The following DAAM1 variants were observed in gnomAD, a reference collection of about 807,000 sequenced individuals.
DAAM1 encodes the protein dishevelled associated activator of morphogenesis 1.
DAAM1 carries 52 observed loss-of-function variants against 130.0 expected under a neutral mutation model. The observed-to-expected ratio is 0.40, with a 90% CI of 0.32 to 0.50. DAAM1 has a LOEUF of 0.50. DAAM1 is among the 20% of genes least tolerant of loss of function. DAAM1 has a pLI of 0.61. For missense variants in DAAM1, 1,134 were observed against 1,303.8 expected (o/e 0.87, Z 2.01); for synonymous variants, 452 against 444.5 (o/e 1.02, Z -0.21).
chr14:59,272,272 A>C (rs1882742626), intron 2 of DAAM1, among the ~76,000 whole-genome samples: 1 of 152,180 alleles, frequency 6.6e-6, no homozygotes, highest in Admixed American at 6.5e-5. Flanking sequence ...AGAGAATTAA[A>C]ATATATTGGC....
At chr14:59,196,397 A>G (rs1440548173) in intron 1 of DAAM1, among the ~76,000 whole-genome samples, 2 of 152,238 alleles carry the variant, frequency 1.3e-5, no homozygotes, top group Non-Finnish European at 2.9e-5. Flanking sequence ...TTCTGTAACA[A>G]GAGGTTTAGA....
intron 1 of DAAM1, among the ~76,000 whole-genome samples, chr14:59,260,788 G>C (rs1264945702): frequency 6.6e-6 from 1 of 152,192 alleles, no homozygotes; most frequent in Admixed American, 6.5e-5. Flanking sequence ...CTGAATTTCA[G>C]CTATCAGTAG....
At chr14:59,284,842 A>G (rs901828964) in intron 2 of DAAM1, among the ~76,000 whole-genome samples, 1 of 152,146 alleles carries the variant, frequency 6.6e-6, no homozygotes, top group African/African-American at 2.4e-5. Context: ...ATTTATTGGC[A>G]TTTCAGAAAG....
At chr14:59,302,944 G>A (rs1304357756) in intron 3 of DAAM1, among the ~76,000 whole-genome samples, 2 of 152,162 alleles carry the variant, frequency 1.3e-5, no homozygotes, top group Non-Finnish European at 2.9e-5. Context: ...ATGAGCCACC[G>A]TGCCCAGCCA....
intron 16 of DAAM1, among the ~76,000 whole-genome samples, chr14:59,347,052 G>A (rs1423678488): frequency 6.6e-6 from 1 of 151,706 alleles, no homozygotes; most frequent in African/African-American, 2.4e-5. Flanking sequence ...TAACTATGAA[G>A]TACTTGCAGA....
intron 15 of DAAM1, among the ~76,000 whole-genome samples, chr14:59,334,689 G>A (rs181301113): frequency 2.5e-4 from 38 of 152,254 alleles, no homozygotes; most frequent in African/African-American, 8.7e-4. Context: ...ACAAACATAA[G>A]TGTATATGCA....
At chr14:59,230,718 C>A (rs1226168475) in intron 1 of DAAM1, among the ~76,000 whole-genome samples, 1 of 125,354 alleles carries the variant, frequency 8.0e-6, no homozygotes, top group Non-Finnish European at 1.6e-5. Flanking sequence ...CTTAATTGTG[C>A]ATTTTAAAAT....
chr14:59,331,687 G>A, intron 14 of DAAM1, 126 bp from the exon 15 acceptor site: 1 of 1,496,698 alleles, frequency 6.7e-7, no homozygotes, highest in Non-Finnish European at 8.9e-7. Context: ...CACATTGTTT[G>A]AAACCCGTCA....
chr14:59,262,653 AGTGTGTGTGTGTGT>A (rs5809025), intron 1 of DAAM1, among the ~76,000 whole-genome samples: 6,746 of 140,834 alleles, frequency 0.048, 217 homozygotes, highest in African/African-American at 0.1. Flanking sequence ...ATATTCTATT[AGTGTGTGTGTGTGT>A]GTGTGTGTGT....
chr14:59,238,769 C>T (rs915136126), intron 1 of DAAM1, among the ~76,000 whole-genome samples: 16 of 151,960 alleles, frequency 1.1e-4, no homozygotes, highest in African/African-American at 3.4e-4. Context: ...TTTTTTTTTG[C>T]GTCTCTAGAC....
intron 2 of DAAM1, among the ~76,000 whole-genome samples, chr14:59,288,183 A>G (rs1255374249): frequency 6.6e-6 from 1 of 152,338 alleles, no homozygotes; most frequent in East Asian, 1.9e-4. Flanking sequence ...AGGACATCCT[A>G]TTCAATAAAT....
chr14:59,269,291 C>G (rs1342807674), intron 2 of DAAM1, among the ~76,000 whole-genome samples: 2 of 152,202 alleles, frequency 1.3e-5, no homozygotes, highest in African/African-American at 4.8e-5. Context: ...TCACTGGAAT[C>G]ACATTCCCGG....
intron 15 of DAAM1, 144 bp downstream of exon 15, chr14:59,332,064 G>A (rs576872280): frequency 1.2e-5 from 8 of 686,208 alleles, no homozygotes; most frequent in Non-Finnish European, 2.0e-5. Flanking sequence ...CCGTGTCTCC[G>A]TCCAAGTGCC....
intron 3 of DAAM1, among the ~76,000 whole-genome samples, chr14:59,308,797 G>T (rs1884465181): frequency 6.6e-6 from 1 of 152,220 alleles, no homozygotes; most frequent in Non-Finnish European, 1.5e-5. Context: ...GTTATTGCAA[G>T]TCATCATTCA....
intron 3 of DAAM1, among the ~76,000 whole-genome samples, chr14:59,309,949 A>C (rs748042817): frequency 2.0e-5 from 3 of 152,164 alleles, no homozygotes; most frequent in Non-Finnish European, 2.9e-5. Context: ...CACATCATGG[A>C]GTTATAACCT....
chr14:59,356,850 G>C (rs540035320), intron 20 of DAAM1, among the ~76,000 whole-genome samples: 3 of 152,324 alleles, frequency 2.0e-5, no homozygotes, highest in African/African-American at 7.2e-5. Flanking sequence ...AACTATTTCT[G>C]ATCTTTCTGT....
intron 1 of DAAM1, among the ~76,000 whole-genome samples, chr14:59,208,069 C>T (rs117683633): frequency 4.9e-4 from 75 of 152,230 alleles, no homozygotes; most frequent in African/African-American, 1.5e-3. Flanking sequence ...ACATTACCTG[C>T]GCTCTTTTGC....
At chr14:59,331,081 C>T in intron 13 of DAAM1, 128 bp from the exon 14 acceptor site, 4 of 1,462,256 alleles carry the variant, frequency 2.7e-6, no homozygotes, top group East Asian at 2.4e-5. Context: ...CTTTACCGAT[C>T]CTTTAAACAT....
At chr14:59,209,209 C>T (rs1888355240) in intron 1 of DAAM1, among the ~76,000 whole-genome samples, 1 of 152,206 alleles carries the variant, frequency 6.6e-6, no homozygotes, top group Admixed American at 6.5e-5. Flanking sequence ...GTTCTCTTTA[C>T]TCCTCCCTCC....
Sources: gnomAD v4.1 joint callset for allele counts (sites outside exome capture counted in the v4.1 genomes callset) on GRCh38, gnomAD v4.1.1 for gene constraint, MANE v1.5 for transcripts, NCBI Gene and HGNC (gene_info 2026-07-23, HGNC 2026-07-21) for gene names.